Variants in PIK3R2 observed in about 807,000 individuals in gnomAD.
The protein encoded by PIK3R2 is phosphatidylinositol 3-kinase regulatory subunit beta.
PIK3R2 carries 40 observed loss-of-function variants against 78.5 expected under a neutral mutation model. The observed-to-expected ratio is 0.51, with a 90% CI of 0.40 to 0.66. PIK3R2 has a LOEUF of 0.66. Ranked by LOEUF, PIK3R2 falls within the 30% of genes least tolerant of loss-of-function variation. The pLI is 0.00. For missense variants in PIK3R2, 880 were observed against 1,026.6 expected, an observed-to-expected ratio of 0.86 and a Z score of 1.95; for synonymous variants, 473 against 457.7, an observed-to-expected ratio of 1.03 and a Z score of -0.43.
At position 18,161,970 on chromosome 19, in the gene PIK3R2, G is replaced by A; in HGVS notation, c.820G>A (p.Glu274Lys). Residue 274 changes from glutamate to lysine, a missense_variant, in exon 7 of 16, where the codon GAG (glutamate) becomes AAG (lysine). By Grantham distance (56) the Glu-to-Lys change is moderately conservative. Coordinates refer to ENST00000222254, the MANE Select transcript of PIK3R2 (RefSeq NM_005027.4). This position sits in a 1 kb window ranked among gnomAD's most constrained non-coding sequence, Gnocchi z 5.3. The part of the protein sequence containing the change: ...PPPGGAPDGS[E>K]PSPDFPALLV... ...CACACTCCCCTTCCCCCTAAGGAGT[G>A]AGCCCAGCCCTGACTTCCCGGCGCT... 1 of 1,613,888 alleles carries A rather than the reference G, an allele frequency of 6.2e-7. No individual in the cohort carries two copies. Among genetic ancestry groups the A allele is most frequent in the African/African-American group, 1.3e-5 (1 of 75,038 alleles).
intron 9 of PIK3R2, 38 bp downstream of exon 9, chr19:18,162,544 A>ACCCCC: frequency 1.3e-6 from 2 of 1,538,600 alleles, no homozygotes; most frequent in East Asian, 2.2e-5. Context: ...CGGGGGTCAC[A>ACCCCC]GGTCACAGAG....
Position 18,160,547 on chromosome 19 carries a change from G to T in PIK3R2, c.399G>T (p.Glu133Asp). ...CCCCTCTTCTGGTGAAGCTTGTGGA[G>T]GCCATTGAAAGGACAGGTAAGTTCC... ...VAPPLLVKLV[E>D]AIERTGLDSE... Residue 133 changes from glutamate (E) to aspartate (D), a missense_variant, in exon 3 of 16, where the codon GAG becomes GAT. Physicochemically the swap from Glu to Asp is conservative, Grantham distance 45 (BLOSUM62 2). Around this residue, in one of 3 missense-constraint regions of PIK3R2, gnomAD observed 456 missense variants for 486.6 expected, o/e 0.94. Coordinates refer to ENST00000222254, the MANE Select transcript of PIK3R2 (RefSeq NM_005027.4). 6.2e-7 allele frequency: 1 copy of T among 1,613,564 alleles called. No homozygotes were observed. The highest frequency in any genetic ancestry group is 8.5e-7 in the Non-Finnish European group (1 of 1,179,606).
chr19:18,153,976 C>T (rs1218302786), intron 1 of PIK3R2, among the ~76,000 whole-genome samples: 2 of 152,202 alleles, frequency 1.3e-5, no homozygotes, highest in South Asian at 2.1e-4. Context: ...TGCTCGGACA[C>T]CTCTTGGGGT....
At chr19:18,163,186 G>C in intron 10 of PIK3R2, 39 bp downstream of exon 10, 3 of 1,613,472 alleles carry the variant, frequency 1.9e-6, no homozygotes, top group Non-Finnish European at 2.5e-6. Context: ...GTAGCACCTG[G>C]CTGGCCCCAG....
intron 1 of PIK3R2, among the ~76,000 whole-genome samples, 181 bp from the exon 2 acceptor site, chr19:18,155,276 G>C (rs913298447): frequency 6.6e-6 from 1 of 151,540 alleles, no homozygotes; most frequent in East Asian, 1.9e-4. Flanking sequence ...ACTCCCAGCA[G>C]CTCCAAGGGA....
intron 2 of PIK3R2, among the ~76,000 whole-genome samples, chr19:18,157,220 G>GT (rs1456395449): frequency 2.0e-5 from 3 of 152,222 alleles, no homozygotes; most frequent in Non-Finnish European, 2.9e-5. Flanking sequence ...CAGGCATCTG[G>GT]TATCTCCAGG....
chr19:18,154,224 G>T lies in PIK3R2; in HGVS notation c.-424+930G>T, dbSNP rs527252792. The stretch of plus-strand genomic sequence containing the variant: ...TGTCCATCACAGGGCGTCTGAACCC[G>T]CAGGGCTAGGCTGGGAATGTGTGCC... On this transcript the variant is annotated intron_variant, in intron 1 of 15. Coordinates refer to ENST00000222254, the MANE Select transcript of PIK3R2 (RefSeq NM_005027.4). Among the ~76,000 whole-genome samples, 151 of 152,154 alleles carry T rather than the reference G, an allele frequency of 9.9e-4. 2 individuals carry two copies. Among genetic ancestry groups the T allele is most frequent in the South Asian group, 1.2e-3 (6 of 4,808 alleles).
intron 10 of PIK3R2, 51 bp downstream of exon 10, chr19:18,163,198 C>T: frequency 6.2e-7 from 1 of 1,613,578 alleles, no homozygotes; most frequent in South Asian, 1.1e-5. Flanking sequence ...TGGCCCCAGG[C>T]CTCAGTTTCC....
chr19:18,162,710 C>T, intron 9 of PIK3R2: 1 of 604,742 alleles, frequency 1.7e-6, no homozygotes, highest in Non-Finnish European at 2.9e-6. Flanking sequence ...ATGGTGAAAC[C>T]CCGTCTCTAC....
Position 18,167,399 on chromosome 19 carries a change from CA to C in PIK3R2, c.1736+95del. ...GGAGTCTCAGTCTCTCTCTCTCCAC[CA>C]AGTGGCCCTTCCTGGGCCCCGAGAC... On this transcript the variant is annotated intron_variant, in intron 13 of 15. Transcript: ENST00000222254. This position sits in a 1 kb window ranked among gnomAD's most constrained non-coding sequence, Gnocchi z 4.5. The C allele has an allele frequency of 1.7e-6, 2 of 1,156,726 alleles. No homozygotes were observed. Among genetic ancestry groups the C allele is most frequent in the South Asian group, 3.7e-5 (2 of 54,124 alleles). The allele number at this position is 1,156,726 out of a possible 1,614,324, so 71.7% of individuals were successfully genotyped here. A position where few individuals can be genotyped will look rare whatever the true frequency, so the allele number is the denominator to read the frequency against.
chr19:18,167,405 G>A lies in PIK3R2; in HGVS notation c.1736+99G>A, dbSNP rs2043820836. On this transcript the variant is annotated intron_variant, in intron 13 of 15. Coordinates refer to ENST00000222254, the MANE Select transcript of PIK3R2 (RefSeq NM_005027.4). This position sits in a 1 kb window ranked among gnomAD's most constrained non-coding sequence, Gnocchi z 4.5. ...TCAGTCTCTCTCTCTCCACCAAGTG[G>A]CCCTTCCTGGGCCCCGAGACCCCTT... 4 of 1,087,806 alleles carry A rather than the reference G, an allele frequency of 3.7e-6. No individual in the cohort carries two copies. Among genetic ancestry groups the A allele is most frequent in the East Asian group, 6.0e-5 (2 of 33,540 alleles). The allele number at this position is 1,087,806 out of a possible 1,614,324, so 67.4% of individuals were successfully genotyped here.
rs2043753280 is a variant in PIK3R2 at position 18,161,990 on chromosome 19, G to A, written c.840G>A (p.Pro280=). ...PDGSEPSPDF[P]ALLVEKLLQE... is the part of the protein sequence containing the mutation. ...GGAGTGAGCCCAGCCCTGACTTCCC[G>A]GCGCTGCTGGTGGAGAAGCTGCTTC... is the stretch of plus-strand genomic sequence containing the variant. Residue 280 remains proline (P), a synonymous_variant, in exon 7 of 16, where the codon CCG becomes CCA. Transcript: ENST00000222254. This position sits in a 1 kb window ranked among gnomAD's most constrained non-coding sequence, Gnocchi z 5.3. The A allele has an allele frequency of 6.2e-7, 1 of 1,613,864 alleles. No homozygotes were observed. The highest frequency in any genetic ancestry group is 1.7e-5 in the Admixed American group (1 of 60,002).
At chr19:18,162,166 C>G in intron 7 of PIK3R2, 36 bp from the exon 8 acceptor site, 1 of 1,406,688 alleles carries the variant, frequency 7.1e-7, no homozygotes, top group Non-Finnish European at 1.0e-6. Context: ...AGTATACAGT[C>G]GGTGCTCAGG....
chr19:18,156,332 T>C lies in PIK3R2; in HGVS notation c.322+131T>C. The C allele has an allele frequency of 1.4e-6, 1 of 713,490 alleles. No homozygotes were observed. The highest frequency in any genetic ancestry group is 3.8e-5 in the Admixed American group (1 of 26,232). 44.2% of individuals were successfully genotyped at this position (713,490 alleles called of 1,614,324 possible). ...GACATTTGGTCATTTGACAAGTGTC[T>C]TCAGTGCTAGGCTCAGCAGTGGACA... On this transcript the variant is annotated intron_variant, in intron 2 of 15. Coordinates refer to ENST00000222254, the MANE Select transcript of PIK3R2 (RefSeq NM_005027.4). This position sits in a 1 kb window ranked among gnomAD's most constrained non-coding sequence, Gnocchi z 4.2.
chr19:18,164,417 GGATCGCTTGA>G (rs2043785308), intron 11 of PIK3R2, among the ~76,000 whole-genome samples: 1 of 152,168 alleles, frequency 6.6e-6, no homozygotes, highest in Admixed American at 6.6e-5. Context: ...TGAGGCGGGA[GGATCGCTTGA>G]GCCCAGGAGT....
chr19:18,153,613 T>C (rs1231364487), intron 1 of PIK3R2, among the ~76,000 whole-genome samples: 1 of 152,014 alleles, frequency 6.6e-6, no homozygotes, highest in African/African-American at 2.4e-5. Flanking sequence ...GCCCAGGCAT[T>C]GTGCGGGGCA....
chr19:18,169,315 G>A lies in PIK3R2; in HGVS notation c.*21G>A, dbSNP rs2147961086. On this transcript the variant is annotated 3_prime_UTR_variant, in exon 16 of 16. Transcript: ENST00000222254. ...GCTGAGCACCGAGGACCCGCCCCAA[G>A]CAGAGCCGCCCCTGGGCCCGTCTGC... 1.4e-6 allele frequency: 2 copies of A among 1,385,844 alleles called. No individual in the cohort carries two copies. Among genetic ancestry groups the A allele is most frequent in the Non-Finnish European group, 1.9e-6 (2 of 1,074,202 alleles). The allele number at this position is 1,385,844 out of a possible 1,614,324, so 85.8% of individuals were successfully genotyped here.
chr19:18,161,038 C>T lies in PIK3R2; in HGVS notation c.467-16C>T, dbSNP rs1311777183. 1 of 1,611,166 alleles carries T rather than the reference C, an allele frequency of 6.2e-7. No individual in the cohort carries two copies. The highest frequency in any genetic ancestry group is 8.5e-7 in the Non-Finnish European group (1 of 1,179,142). On this transcript the variant is annotated splice_polypyrimidine_tract_variant and intron_variant, in intron 4 of 15. Coordinates refer to ENST00000222254, the MANE Select transcript of PIK3R2 (RefSeq NM_005027.4). This position sits in a 1 kb window ranked among gnomAD's most constrained non-coding sequence, Gnocchi z 5.3. Reference sequence around the variant, plus strand: ...CAGTACACATGAGTTGGACGTGTGCCCCCCTGCACCCGCAGACTGGTCCCT... The same window carrying T: ...CAGTACACATGAGTTGGACGTGTGCTCCCCTGCACCCGCAGACTGGTCCCT...
In PIK3R2 at chr19:18,169,282, T is replaced by G. The variant is rs1411008837; in HGVS notation, c.2175T>G (p.Pro725=). ...PVRAPGPGPP[P]AAR ...GCGCCCCGGGCCCCGGCCCGCCGCC[T>G]GCCGCCCGCTGAGCACCGAGGACCC... The change falls in exon 16 of 16, where the codon CCT becomes CCG. Residue 725 remains proline, a synonymous_variant. Coordinates refer to ENST00000222254, the MANE Select transcript of PIK3R2 (RefSeq NM_005027.4). 6.7e-7 allele frequency: 1 copy of G among 1,500,024 alleles called. No homozygotes were observed. The highest frequency in any genetic ancestry group is 8.8e-7 in the Non-Finnish European group (1 of 1,130,754). 92.9% of individuals were successfully genotyped at this position (1,500,024 alleles called of 1,614,324 possible).
Sources: allele counts gnomAD v4.1 joint callset (sites outside exome capture counted in the v4.1 genomes callset), GRCh38; gene constraint gnomAD v4.1.1; regional missense constraint gnomAD v4.1.1; non-coding constraint Gnocchi (gnomAD v3.1); transcripts MANE v1.5; gene names NCBI Gene and HGNC (gene_info 2026-07-23, HGNC 2026-07-21).